Variants in USP34 observed in about 807,000 individuals in gnomAD.
The protein encoded by USP34 is ubiquitin specific peptidase 34.
A neutral mutation model predicts 460.3 loss-of-function variants in USP34; 70 were observed. That is an observed-to-expected ratio of 0.15 (90% CI 0.13 to 0.19). The LOEUF (loss-of-function observed/expected upper bound fraction) is 0.19, where lower values mean the gene tolerates loss of function less well. Among genes scored for constraint, USP34 ranks in the 10% least tolerant of loss-of-function variants. The pLI, the probability that USP34 is intolerant of heterozygous loss-of-function variation, is 1.00. For missense variants in USP34, 3,985 were observed against 4,236.2 expected, an observed-to-expected ratio of 0.94 and a Z score of 1.65; for synonymous variants, 1,647 against 1,405.3, an observed-to-expected ratio of 1.17 and a Z score of -3.85.
rs1399731421 is a variant in USP34, at chr2:61,246,359, A to C, written c.6513T>G (p.Asp2171Glu). 4 of 1,597,830 alleles carry C rather than the reference A, an allele frequency of 2.5e-6. No individual in the cohort carries two copies. Among genetic ancestry groups the C allele is most frequent in the Non-Finnish European group, 3.4e-6 (4 of 1,172,646 alleles). The change falls in exon 50 of 80, where the codon GAT becomes GAG. Residue 2171 changes from aspartate (D) to glutamate (E), a missense_variant. By Grantham distance (45) the Asp-to-Glu change is conservative. Transcript: ENST00000398571. The stretch of plus-strand genomic sequence containing the variant: ...TTTTATAAGCATGGGGATTTACTAT[A>C]TCTCTGATAAAGCTATAATAGTGTC... The part of the protein sequence containing the change: ...DGGHYYSFIR[D>E]IVNPHAYKNN...
intron 41 of USP34, among the ~76,000 whole-genome samples, chr2:61,276,906 C>T (rs957617321): frequency 6.6e-5 from 10 of 152,186 alleles, no homozygotes; most frequent in African/African-American, 2.4e-4. Context: ...CTTTTGGTTG[C>T]TATTTCCTAA....
intron 62 of USP34, chr2:61,223,529 C>A: frequency 2.0e-6 from 1 of 495,816 alleles, no homozygotes. Flanking sequence ...AATTAACTTA[C>A]TATTTTAGTA....
At chr2:61,411,664 G>T (rs144018536) in intron 2 of USP34, among the ~76,000 whole-genome samples, 81 of 152,108 alleles carry the variant, frequency 5.3e-4, no homozygotes, top group African/African-American at 1.9e-3. Context: ...AGTGTTCTTA[G>T]TTTAGTGTAT....
chr2:61,336,720 G>C (rs979636591), intron 18 of USP34, among the ~76,000 whole-genome samples: 14 of 142,210 alleles, frequency 9.8e-5, no homozygotes, highest in Non-Finnish European at 1.8e-4. Context: ...TGAGGCAGGA[G>C]AATCACTTGA....
intron 10 of USP34, among the ~76,000 whole-genome samples, chr2:61,363,835 G>A (rs376496390): frequency 7.4e-6 from 1 of 135,590 alleles, no homozygotes; most frequent in South Asian, 2.4e-4. Context: ...ATAAAATGCA[G>A]TATATACATA....
intron 57 of USP34, among the ~76,000 whole-genome samples, chr2:61,233,107 G>A (rs959150504): frequency 6.6e-5 from 10 of 151,954 alleles, no homozygotes; most frequent in South Asian, 2.1e-4. Context: ...TGATCTGGCC[G>A]CCTCAGCCTC....
intron 7 of USP34, 39 bp from the exon 8 acceptor site, chr2:61,378,463 A>C (rs1692862085): frequency 6.9e-7 from 1 of 1,439,556 alleles, no homozygotes; most frequent in Non-Finnish European, 9.5e-7. Flanking sequence ...TTTTATTTCC[A>C]AAATTATTCT....
At chr2:61,226,634 A>G (rs954059460) in intron 62 of USP34, among the ~76,000 whole-genome samples, 2 of 152,086 alleles carry the variant, frequency 1.3e-5, no homozygotes, top group African/African-American at 4.8e-5. Flanking sequence ...TGTTTTTTCA[A>G]CTAGTTCCCT....
chr2:61,338,415 C>T (rs549465892), intron 18 of USP34, among the ~76,000 whole-genome samples: 1 of 152,280 alleles, frequency 6.6e-6, no homozygotes, highest in South Asian at 2.1e-4. Context: ...ATGAATTTTT[C>T]TACTGTAACT....
intron 39 of USP34, 119 bp from the exon 40 acceptor site, chr2:61,278,562 G>C: frequency 1.3e-6 from 1 of 751,522 alleles, no homozygotes; most frequent in Non-Finnish European, 2.1e-6. Flanking sequence ...AATTCAATAA[G>C]TTATAAACGT....
chr2:61,263,714 C>T (rs1007234240), intron 43 of USP34, among the ~76,000 whole-genome samples: 1 of 150,966 alleles, frequency 6.6e-6, no homozygotes, highest in Non-Finnish European at 1.5e-5. Flanking sequence ...GATCTCCTAA[C>T]CTCGTGATCC....
intron 2 of USP34, among the ~76,000 whole-genome samples, chr2:61,413,807 G>A (rs535904470): frequency 3.5e-5 from 5 of 144,626 alleles, no homozygotes; most frequent in Non-Finnish European, 6.0e-5. Context: ...GGGAAACCCC[G>A]TCTCTACTAG....
chr2:61,253,434 A>C (rs1688639468), intron 48 of USP34, among the ~76,000 whole-genome samples: 1 of 152,126 alleles, frequency 6.6e-6, no homozygotes, highest in African/African-American at 2.4e-5. Context: ...TCTTATCCTA[A>C]CCCAACTCTC....
At chr2:61,429,029 A>T (rs376480172) in intron 1 of USP34, among the ~76,000 whole-genome samples, 12 of 152,304 alleles carry the variant, frequency 7.9e-5, no homozygotes, top group East Asian at 5.8e-4. Context: ...AAAAATAAAA[A>T]AAATAAAATA....
chr2:61,361,037 C>CA (rs963106202), intron 10 of USP34, among the ~76,000 whole-genome samples: 119 of 152,114 alleles, frequency 7.8e-4, no homozygotes, highest in African/African-American at 2.8e-3. Flanking sequence ...CCCCAAATAG[C>CA]AAAAAACAAT....
chr2:61,278,773 T>TA lies in USP34; in HGVS notation c.5257-331dup, dbSNP rs1346495468. Among the ~76,000 whole-genome samples, 33 of 135,830 alleles carry TA rather than the reference T, an allele frequency of 2.4e-4. No homozygotes were observed. In the South Asian group the frequency reaches 5.4e-3, roughly 22 times the overall value. The allele number at this position is 135,830 out of a possible 152,430, so 89.1% of individuals were successfully genotyped here. A position where few individuals can be genotyped will look rare whatever the true frequency, so the allele number is the denominator to read the frequency against. The stretch of plus-strand genomic sequence containing the variant: ...CGTTGTGCACATGTACCCTAAAACT[T>TA]AAAGTATAATAAAAAAAAAAGTCAT... On this transcript the variant is annotated intron_variant, in intron 39 of 79. Transcript: ENST00000398571.
intron 53 of USP34, among the ~76,000 whole-genome samples, chr2:61,237,554 ATTTTTTTTTT>A (rs71403400): frequency 3.7e-3 from 166 of 45,150 alleles, no homozygotes; most frequent in Non-Finnish European, 5.2e-3. Context: ...TTTTCTGTGG[ATTTTTTTTTT>A]TTTTTTTTTT....
Position 61,210,114 on chromosome 2 carries a change from AAAAGTATTTTAAAAT to A in USP34, c.8841-1152_8841-1138del, listed in dbSNP as rs562597052. On this transcript the variant is annotated intron_variant, in intron 69 of 79. Coordinates refer to ENST00000398571, the MANE Select transcript of USP34 (RefSeq NM_014709.4). ...AAGTTCAGTACATTAATAATGAAGAAAAAGTATTTTAAAATAAATTTAGTGTAGCTTAAGTGTACA... is the reference window on the plus strand; with the variant it reads ...AAGTTCAGTACATTAATAATGAAGAAAAATTTAGTGTAGCTTAAGTGTACA... Among the ~76,000 whole-genome samples the A allele has an allele frequency of 6.3e-3, 959 of 152,310 alleles. 11 individuals are homozygous for A. The highest frequency in any genetic ancestry group is 9.3e-3 in the Non-Finnish European group (630 of 68,012).
chr2:61,194,559 G>A (rs1014544820), intron 75 of USP34, among the ~76,000 whole-genome samples: 3 of 152,156 alleles, frequency 2.0e-5, no homozygotes, highest in East Asian at 1.9e-4. Flanking sequence ...GTGCAGTGGC[G>A]TGATCACAGA....
Sources: allele counts gnomAD v4.1 joint callset (sites outside exome capture counted in the v4.1 genomes callset), GRCh38; gene constraint gnomAD v4.1.1; transcripts MANE v1.5; gene names NCBI Gene and HGNC (gene_info 2026-07-23, HGNC 2026-07-21).